PDE3A: variants seen among roughly 807,000 people sequenced by gnomAD.
PDE3A encodes the protein phosphodiesterase 3A, also known as cGMP-inhibited 3',5'-cyclic phosphodiesterase 3A.
A neutral mutation model predicts 98.3 loss-of-function variants in PDE3A; 43 were observed. The observed-to-expected ratio is 0.44, with a 90% CI of 0.34 to 0.56. The LOEUF (loss-of-function observed/expected upper bound fraction) is 0.56, where lower values mean the gene tolerates loss of function less well. Among genes scored for constraint, PDE3A ranks in the 20% least tolerant of loss-of-function variants. PDE3A has a pLI of 0.01. For missense variants in PDE3A, 1,427 were observed against 1,440.7 expected, an observed-to-expected ratio of 0.99 and a Z score of 0.15; for synonymous variants, 663 against 567.9, an observed-to-expected ratio of 1.17 and a Z score of -2.38.
At chr12:20,539,782 C>T (rs1486860634) in intron 1 of PDE3A, among the ~76,000 whole-genome samples, 1 of 152,046 alleles carries the variant, frequency 6.6e-6, no homozygotes, top group Non-Finnish European at 1.5e-5. Flanking sequence ...GGCATCCAAA[C>T]CTTTAGGTTA....
chr12:20,627,145 TA>T (rs66734223), intron 5 of PDE3A, among the ~76,000 whole-genome samples: 28,773 of 133,868 alleles, frequency 0.21, 3,060 homozygotes, highest in Admixed American at 0.24. Context: ...ATTGTTCTGT[TA>T]AAAAAAAAAA....
chr12:20,659,114 T>C (rs185306610), intron 15 of PDE3A, among the ~76,000 whole-genome samples: 7 of 152,298 alleles, frequency 4.6e-5, no homozygotes, highest in South Asian at 4.1e-4. Flanking sequence ...GGAAAGTATT[T>C]GCCAGTTAGT....
At chr12:20,430,768 CT>C (rs1288351775) in intron 1 of PDE3A, among the ~76,000 whole-genome samples, 6 of 152,158 alleles carry the variant, frequency 3.9e-5, no homozygotes, top group African/African-American at 1.2e-4. Context: ...CAGTTCTCCA[CT>C]TTTAGTGTAT....
chr12:20,395,536 A>C (rs1308390340), intron 1 of PDE3A, among the ~76,000 whole-genome samples: 1 of 146,700 alleles, frequency 6.8e-6, no homozygotes, highest in Non-Finnish European at 1.5e-5. Flanking sequence ...ACATAGTATA[A>C]TATGTATACT....
At chr12:20,447,904 A>G (rs530721799) in intron 1 of PDE3A, among the ~76,000 whole-genome samples, 30 of 152,204 alleles carry the variant, frequency 2.0e-4, no homozygotes, top group Admixed American at 6.5e-4. Context: ...GTCCAGGTGG[A>G]TAGTGTTAGG....
At chr12:20,510,816 A>G (rs1390324726) in intron 1 of PDE3A, among the ~76,000 whole-genome samples, 1 of 152,080 alleles carries the variant, frequency 6.6e-6, no homozygotes, top group Non-Finnish European at 1.5e-5. Flanking sequence ...GAAGGGAAGC[A>G]TTCTCTGAGA....
intron 1 of PDE3A, among the ~76,000 whole-genome samples, chr12:20,492,614 G>A (rs4762966): frequency 0.9 from 136,438 of 152,162 alleles, 62,241 homozygotes; most frequent in East Asian, 1. Context: ...TGAGAGCAGT[G>A]CCTGTGGGAA....
chr12:20,438,166 C>A (rs1944810513), intron 1 of PDE3A, among the ~76,000 whole-genome samples: 1 of 152,054 alleles, frequency 6.6e-6, no homozygotes, highest in African/African-American at 2.4e-5. Flanking sequence ...GTTCCATTTT[C>A]TCCAGAGTGC....
intron 1 of PDE3A, among the ~76,000 whole-genome samples, chr12:20,549,911 TTA>T (rs1401137865): frequency 1.3e-5 from 2 of 152,172 alleles, no homozygotes; most frequent in African/African-American, 4.8e-5. Flanking sequence ...GAAATGCATC[TTA>T]CAAGCTCTGA....
chr12:20,471,546 A>C (rs1945440586), intron 1 of PDE3A, among the ~76,000 whole-genome samples: 1 of 152,116 alleles, frequency 6.6e-6, no homozygotes, highest in African/African-American at 2.4e-5. Flanking sequence ...TTCCCCTTAC[A>C]TCTCAGAGTG....
intron 1 of PDE3A, among the ~76,000 whole-genome samples, chr12:20,408,683 T>C (rs536250880): frequency 8.1e-4 from 124 of 152,362 alleles, no homozygotes; most frequent in African/African-American, 2.7e-3. Flanking sequence ...TTGTATTTTG[T>C]AAACCATACA....
At chr12:20,376,111 A>G (rs1303956752) in intron 1 of PDE3A, among the ~76,000 whole-genome samples, 3 of 151,928 alleles carry the variant, frequency 2.0e-5, no homozygotes, top group Admixed American at 2.0e-4. Flanking sequence ...GACATGTTAC[A>G]CTTCAAAATA....
chr12:20,644,617 C>A (rs1452674958), intron 10 of PDE3A, among the ~76,000 whole-genome samples: 3 of 152,058 alleles, frequency 2.0e-5, no homozygotes, highest in Admixed American at 2.0e-4. Context: ...AAAATATGAT[C>A]GTAATTCTCT....
At position 20,654,177 on chromosome 12, in the gene PDE3A, G is replaced by A; in HGVS notation, c.3156G>A (p.Glu1052=). The A allele has an allele frequency of 6.2e-7, 1 of 1,614,064 alleles. No individual in the cohort carries two copies. The highest frequency in any genetic ancestry group is 8.5e-7 in the Non-Finnish European group (1 of 1,179,972). The change falls in exon 15 of 16, where the codon GAG becomes GAA. Residue 1052 remains glutamate, a synonymous_variant. Transcript: ENST00000359062. Reference sequence around the variant, plus strand: ...AAGAAGCACCAGCACCAAATGAAGAGGAAACCTGTGAAAATAATGAATCTC... The same window carrying A: ...AAGAAGCACCAGCACCAAATGAAGAAGAAACCTGTGAAAATAATGAATCTC... ...EEEEAPAPNE[E]ETCENNESPK...
At chr12:20,380,051 C>T (rs184934892) in intron 1 of PDE3A, among the ~76,000 whole-genome samples, 46 of 151,910 alleles carry the variant, frequency 3.0e-4, no homozygotes, top group Admixed American at 1.3e-3. Context: ...AGAACAAACT[C>T]TGACTTTATT....
chr12:20,618,298 C>CA (rs1944054570), intron 4 of PDE3A, among the ~76,000 whole-genome samples: 1 of 152,122 alleles, frequency 6.6e-6, no homozygotes, highest in Admixed American at 6.5e-5. Flanking sequence ...AAATCACAGT[C>CA]AAAACCTTCT....
intron 1 of PDE3A, among the ~76,000 whole-genome samples, chr12:20,491,101 C>G (rs901397359): frequency 6.6e-6 from 1 of 152,162 alleles, no homozygotes; most frequent in South Asian, 2.1e-4. Flanking sequence ...TAATACTTTT[C>G]TATTCAAGAA....
chr12:20,591,724 C>T (rs181916510), intron 2 of PDE3A, among the ~76,000 whole-genome samples: 10 of 152,268 alleles, frequency 6.6e-5, no homozygotes, highest in African/African-American at 1.7e-4. Flanking sequence ...CCAGAGAATT[C>T]AGGTTTCACA....
At chr12:20,617,547 A>C (rs1406602747) in intron 4 of PDE3A, among the ~76,000 whole-genome samples, 1 of 152,198 alleles carries the variant, frequency 6.6e-6, no homozygotes, top group Non-Finnish European at 1.5e-5. Context: ...TTCTCTAAAA[A>C]TATTGATCAT....
Sources: gnomAD v4.1 joint callset for allele counts (sites outside exome capture counted in the v4.1 genomes callset) on GRCh38, gnomAD v4.1.1 for gene constraint, MANE v1.5 for transcripts, NCBI Gene and HGNC (gene_info 2026-07-23, HGNC 2026-07-21) for gene names.